Variants in EYA3 observed in about 807,000 individuals in gnomAD.
The protein encoded by EYA3 is EYA transcriptional coactivator and phosphatase 3.
Under a neutral mutation model 80.0 loss-of-function variants are expected in EYA3, and 39 were observed. That is an observed-to-expected ratio of 0.49 (90% CI 0.38 to 0.64). The LOEUF is 0.64. EYA3 is among the 30% of genes least tolerant of loss of function. The probability of loss-of-function intolerance (pLI) is 0.00; values close to 1 mark genes in which losing one functional copy is unlikely to be tolerated. For synonymous variants in EYA3, 206 were observed against 232.8 expected, an observed-to-expected ratio of 0.88 and a Z score of 1.05; for missense variants, 523 against 676.1, an observed-to-expected ratio of 0.77 and a Z score of 2.51.
At chr1:27,996,120 G>A (rs577408460) in intron 13 of EYA3, among the ~76,000 whole-genome samples, 31 of 152,166 alleles carry the variant, frequency 2.0e-4, no homozygotes, top group Non-Finnish European at 4.1e-4. Context: ...TGATTGGCCC[G>A]CACTGGCCTC....
In EYA3 at chr1:28,009,195, T is replaced by C. The variant is rs1219526133; in HGVS notation, c.909+1752A>G. 6.6e-6 allele frequency among the ~76,000 whole-genome samples: 1 copy of C among 152,158 alleles called. No individual in the cohort carries two copies. The highest frequency in any genetic ancestry group is 1.9e-4 in the East Asian group (1 of 5,196). On this transcript the variant is annotated intron_variant, in intron 10 of 17. Transcript: ENST00000373871. The surrounding 1 kb of genome is among the most constrained non-coding windows in gnomAD (Gnocchi z 4.8). ...ACTCAGATAGATAATTGTACACCAA[T>C]GGTCAAAGCAGCATTACTCACAATA...
chr1:28,020,063 GA>G (rs1474766855), intron 7 of EYA3, among the ~76,000 whole-genome samples: 2 of 151,894 alleles, frequency 1.3e-5, no homozygotes, highest in Non-Finnish European at 1.5e-5. Context: ...CTCTATGGGG[GA>G]AAATGTACTC....
At chr1:28,027,974 G>C (rs777477186) in intron 6 of EYA3, 48 bp from the exon 7 acceptor site, 1 of 1,604,578 alleles carries the variant, frequency 6.2e-7, no homozygotes. Context: ...CTGGGACTGA[G>C]GAGCATGGTT....
chr1:28,063,352 C>CTTTTTTTT (rs371840536), intron 1 of EYA3, among the ~76,000 whole-genome samples: 6 of 93,550 alleles, frequency 6.4e-5, no homozygotes, highest in African/African-American at 9.1e-5. Flanking sequence ...TAACTAAAAC[C>CTTTTTTTT]TTTTTTTTTT....
chr1:28,020,272 G>C (rs1303021306), intron 7 of EYA3, among the ~76,000 whole-genome samples: 1 of 152,066 alleles, frequency 6.6e-6, no homozygotes, highest in African/African-American at 2.4e-5. Context: ...AAATTTCTCT[G>C]AGCAATAGTT....
intron 1 of EYA3, among the ~76,000 whole-genome samples, chr1:28,084,572 TATATATATATATATATA>T (rs1645553194): frequency 8.6e-5 from 1 of 11,654 alleles, no homozygotes; most frequent in African/African-American, 3.5e-4. Context: ...TATATATATA[TATATATATATATATATA>T]TATATATTTT....
At chr1:28,048,336 A>C (rs1343148993) in intron 3 of EYA3, 47 bp downstream of exon 3, 6 of 1,466,822 alleles carry the variant, frequency 4.1e-6, no homozygotes, top group East Asian at 2.3e-5. Context: ...AAAAAAAAAA[A>C]CAAAACTTAT....
chr1:28,057,881 A>T (rs1644488460), intron 2 of EYA3, 113 bp downstream of exon 2: 2 of 586,482 alleles, frequency 3.4e-6, no homozygotes, highest in East Asian at 6.1e-5. Flanking sequence ...GGAAACAAGG[A>T]ATCTTTTCCT....
chr1:28,080,808 T>TAGCGTGGTCTCGGCTCAC (rs1277697611), intron 1 of EYA3, among the ~76,000 whole-genome samples: 2 of 152,164 alleles, frequency 1.3e-5, no homozygotes, highest in African/African-American at 4.8e-5. Flanking sequence ...TGGAGTGCAA[T>TAGCGTGGTCTCGGCTCAC]AGCGTGGTCT....
At chr1:28,047,554 C>T (rs904351470) in intron 3 of EYA3, among the ~76,000 whole-genome samples, 7 of 144,346 alleles carry the variant, frequency 4.8e-5, no homozygotes, top group East Asian at 3.9e-4. Context: ...GGTGCACAAA[C>T]GACAGAAGGT....
At chr1:28,017,953 C>CG (rs1642182729) in intron 7 of EYA3, among the ~76,000 whole-genome samples, 1 of 151,990 alleles carries the variant, frequency 6.6e-6, no homozygotes, top group South Asian at 2.1e-4. Context: ...CCAGCACTTT[C>CG]GGAGGCCGAG....
At chr1:28,003,660 A>G (rs1641058073) in intron 11 of EYA3, among the ~76,000 whole-genome samples, 1 of 152,168 alleles carries the variant, frequency 6.6e-6, no homozygotes, top group Non-Finnish European at 1.5e-5. Context: ...TTCCCACCTC[A>G]GCTTCCTGAG....
chr1:28,050,679 T>TTTTTG (rs1358198503), intron 2 of EYA3, among the ~76,000 whole-genome samples: 4 of 152,288 alleles, frequency 2.6e-5, no homozygotes, highest in Middle Eastern at 3.4e-3. Flanking sequence ...TACAATGTTT[T>TTTTTG]TTTTGTTTTG....
At chr1:28,034,574 T>C (rs1345306625) in intron 6 of EYA3, among the ~76,000 whole-genome samples, 1 of 152,152 alleles carries the variant, frequency 6.6e-6, no homozygotes. Context: ...TTAAACATAA[T>C]TCCCAATTCT....
intron 15 of EYA3, among the ~76,000 whole-genome samples, chr1:27,989,046 G>A (rs1639854186): frequency 6.6e-6 from 1 of 152,196 alleles, no homozygotes; most frequent in East Asian, 1.9e-4. Flanking sequence ...GTCCATAAAT[G>A]AGATATGATT....
chr1:28,073,487 A>G (rs1256022805), intron 1 of EYA3, among the ~76,000 whole-genome samples: 1 of 151,436 alleles, frequency 6.6e-6, no homozygotes, highest in Admixed American at 6.6e-5. Context: ...TTTAGTAGAG[A>G]CAGCATTTCA....
Position 28,016,299 on chromosome 1 carries a change from G to A in EYA3, c.585+855C>T, listed in dbSNP as rs114507436. On this transcript the variant is annotated intron_variant, in intron 8 of 17. Transcript: ENST00000373871. ...TCCCAGCACTTTGGGAGGCCAAGGCGGGTGCGGTTCACTCTAAGTCAGGAG... is the reference window on the plus strand; with the variant it reads ...TCCCAGCACTTTGGGAGGCCAAGGCAGGTGCGGTTCACTCTAAGTCAGGAG... 7.7e-3 allele frequency among the ~76,000 whole-genome samples: 1,167 copies of A among 152,200 alleles called. 14 individuals carry two copies. The highest frequency in any genetic ancestry group is 0.026 in the African/African-American group (1,080 of 41,516).
At chr1:27,987,083 C>T (rs371117626) in intron 16 of EYA3, among the ~76,000 whole-genome samples, 21 of 152,134 alleles carry the variant, frequency 1.4e-4, no homozygotes, top group African/African-American at 5.1e-4. Flanking sequence ...TTTGCATGAC[C>T]GCAACTCTAT....
intron 1 of EYA3, among the ~76,000 whole-genome samples, chr1:28,083,974 T>C (rs1422770852): frequency 6.6e-6 from 1 of 152,116 alleles, no homozygotes. Context: ...GGGAAGAAAA[T>C]GAAAACCATC....
Sources: gnomAD v4.1 joint callset for allele counts (sites outside exome capture counted in the v4.1 genomes callset) on GRCh38, gnomAD v4.1.1 for gene constraint, Gnocchi (gnomAD v3.1) non-coding constraint, MANE v1.5 for transcripts, NCBI Gene and HGNC (gene_info 2026-07-23, HGNC 2026-07-21) for gene names.